Variants in KANSL1L observed in about 807,000 individuals in gnomAD.
KANSL1L encodes KAT8 regulatory NSL complex subunit 1 like.
Under a neutral mutation model 108.6 loss-of-function variants are expected in KANSL1L, and 25 were observed. That is an observed-to-expected ratio of 0.23 (90% CI 0.17 to 0.32). The LOEUF is 0.32. Among genes scored for constraint, KANSL1L ranks in the 10% least tolerant of loss-of-function variants. The probability of loss-of-function intolerance (pLI) is 1.00; values close to 1 mark genes in which losing one functional copy is unlikely to be tolerated. For missense variants in KANSL1L, 1,137 were observed against 1,125.7 expected (o/e 1.01, Z -0.14); for synonymous variants, 405 against 395.1 (o/e 1.03, Z -0.30).
At chr2:210,125,849 A>G (rs2095061157) in intron 3 of KANSL1L, among the ~76,000 whole-genome samples, 2 of 152,208 alleles carry the variant, frequency 1.3e-5, no homozygotes, top group African/African-American at 2.4e-5. Context: ...TAAAAGCCAC[A>G]TATGAAAACC....
intron 1 of KANSL1L, among the ~76,000 whole-genome samples, chr2:210,156,352 A>C (rs981872048): frequency 6.6e-6 from 1 of 152,094 alleles, no homozygotes; most frequent in Non-Finnish European, 1.5e-5. Flanking sequence ...CAATGTAGAA[A>C]ATGTGTTTGT....
chr2:210,146,164 C>A (rs2095264390), intron 2 of KANSL1L, among the ~76,000 whole-genome samples: 1 of 152,142 alleles, frequency 6.6e-6, no homozygotes, highest in African/African-American at 2.4e-5. Context: ...TTGTTTCTAG[C>A]CATCTCCAGA....
At chr2:210,111,822 T>G in intron 3 of KANSL1L, among the ~76,000 whole-genome samples, 1 of 152,088 alleles carries the variant, frequency 6.6e-6, no homozygotes, top group East Asian at 1.9e-4. Flanking sequence ...CATGTTGGTG[T>G]GCTGCACCCA....
intron 5 of KANSL1L, among the ~76,000 whole-genome samples, chr2:210,083,076 A>C (rs1017826221): frequency 6.6e-6 from 1 of 152,226 alleles, no homozygotes; most frequent in East Asian, 1.9e-4. Flanking sequence ...AGACACACAA[A>C]GAATGCCATG....
Position 210,022,862 on chromosome 2 carries a change from A to G in KANSL1L, c.*87T>C. 1.2e-6 allele frequency: 1 copy of G among 863,224 alleles called. No homozygotes were observed. Among genetic ancestry groups the G allele is most frequent in the Non-Finnish European group, 1.9e-6 (1 of 532,756 alleles). The allele number at this position is 863,224 out of a possible 1,614,324, so 53.5% of individuals were successfully genotyped here. On this transcript the variant is annotated 3_prime_UTR_variant, in exon 15 of 15. Transcript: ENST00000281772. ...ATTAATACATGCAGAACATGCTCTT[A>G]TTCTGGAGGGGATGGGGGATCCAGA...
At chr2:210,033,242 C>A (rs1265029958) in intron 8 of KANSL1L, among the ~76,000 whole-genome samples, 1 of 152,174 alleles carries the variant, frequency 6.6e-6, no homozygotes, top group African/African-American at 2.4e-5. Flanking sequence ...AATGAAAAAT[C>A]ATAAATGCAT....
chr2:210,030,521 T>G (rs1238781824), intron 9 of KANSL1L, among the ~76,000 whole-genome samples: 1 of 146,792 alleles, frequency 6.8e-6, no homozygotes, highest in Non-Finnish European at 1.5e-5. Flanking sequence ...TTTTCCTGTT[T>G]TGGTTCCCAG....
At chr2:210,054,768 G>A (rs2094331561) in intron 6 of KANSL1L, among the ~76,000 whole-genome samples, 1 of 151,530 alleles carries the variant, frequency 6.6e-6, no homozygotes, top group Non-Finnish European at 1.5e-5. Flanking sequence ...GGTAGGAAAG[G>A]GAAAAAGGAG....
intron 5 of KANSL1L, among the ~76,000 whole-genome samples, chr2:210,077,480 T>C (rs1283882397): frequency 1.3e-5 from 2 of 152,084 alleles, no homozygotes; most frequent in Non-Finnish European, 2.9e-5. Context: ...AGTTAGGCAC[T>C]GAACAGGCTA....
chr2:210,084,417 C>A (rs182139260), intron 5 of KANSL1L, among the ~76,000 whole-genome samples: 2 of 151,920 alleles, frequency 1.3e-5, no homozygotes, highest in African/African-American at 4.8e-5. Context: ...AGCGAGACTC[C>A]GTCTTAGAAA....
At chr2:210,170,380 G>A (rs1688263312) in intron 1 of KANSL1L, 3 of 985,410 alleles carry the variant, frequency 3.0e-6, no homozygotes, top group South Asian at 4.7e-5. Flanking sequence ...CTCTCCCAGA[G>A]TAAGAAAACA....
chr2:210,140,537 T>C (rs2095218255), intron 2 of KANSL1L, among the ~76,000 whole-genome samples: 1 of 152,234 alleles, frequency 6.6e-6, no homozygotes, highest in Non-Finnish European at 1.5e-5. Context: ...TCCAGTGGCA[T>C]GCTGTTTTGA....
At chr2:210,064,433 A>T (rs1174254061) in intron 6 of KANSL1L, 1 of 152,186 alleles carries the variant, frequency 6.6e-6, no homozygotes, top group Non-Finnish European at 1.5e-5. Context: ...CCTGTCTAGC[A>T]AAGGAATCAT....
chr2:210,075,741 T>C lies in KANSL1L; in HGVS notation c.1566A>G (p.Leu522=), dbSNP rs2094537514. ...AGCTACTGGAGGAAGACAGCTCATCTAAATTCTCTGATGCACTGAAATGCC... is the reference window on the plus strand; with the variant it reads ...AGCTACTGGAGGAAGACAGCTCATCCAAATTCTCTGATGCACTGAAATGCC... ...NGIYRSASEN[L]DELSSSSSWL... is the part of the protein sequence containing the mutation. Residue 522 remains leucine (L), a synonymous_variant, in exon 6 of 15, where the codon TTA becomes TTG. Transcript: ENST00000281772. The C allele has an allele frequency of 6.2e-6, 10 of 1,613,200 alleles. No individual in the cohort carries two copies. Among genetic ancestry groups the C allele is most frequent in the Non-Finnish European group, 8.5e-6 (10 of 1,179,304 alleles).
At chr2:210,164,797 T>C (rs1288625601) in intron 1 of KANSL1L, among the ~76,000 whole-genome samples, 1 of 151,610 alleles carries the variant, frequency 6.6e-6, no homozygotes, top group Non-Finnish European at 1.5e-5. Flanking sequence ...GTAACAGTTC[T>C]AGATAATCCA....
chr2:210,130,950 T>G (rs988856781), intron 2 of KANSL1L, among the ~76,000 whole-genome samples: 1 of 152,056 alleles, frequency 6.6e-6, no homozygotes, highest in African/African-American at 2.4e-5. Context: ...TGTAATAATC[T>G]GGGTGTAGTA....
At chr2:210,075,491 A>T in intron 6 of KANSL1L, 61 bp downstream of exon 6, 2 of 1,066,454 alleles carry the variant, frequency 1.9e-6, no homozygotes, top group Non-Finnish European at 2.9e-6. Context: ...ACATCTTCTC[A>T]TGCATGAAAT....
chr2:210,138,674 T>C (rs1307986157), intron 2 of KANSL1L, among the ~76,000 whole-genome samples: 1 of 152,244 alleles, frequency 6.6e-6, no homozygotes, highest in Non-Finnish European at 1.5e-5. Flanking sequence ...AACACAATGC[T>C]GTCCTATATG....
chr2:210,042,182 T>G (rs1446306445), intron 7 of KANSL1L, among the ~76,000 whole-genome samples: 2 of 152,208 alleles, frequency 1.3e-5, no homozygotes, highest in East Asian at 3.8e-4. Flanking sequence ...GCACGTGACC[T>G]GTCAGCTTTT....
Sources: gnomAD v4.1 joint callset for allele counts (sites outside exome capture counted in the v4.1 genomes callset) on GRCh38, gnomAD v4.1.1 for gene constraint, MANE v1.5 for transcripts, NCBI Gene and HGNC (gene_info 2026-07-23, HGNC 2026-07-21) for gene names.